TASOR: variants seen among roughly 807,000 people sequenced by gnomAD.
The protein encoded by TASOR is transcription activation suppressor.
TASOR carries 53 observed loss-of-function variants against 178.6 expected under a neutral mutation model. The ratio of observed to expected loss-of-function variants is 0.30; its 90% confidence interval spans 0.24 to 0.37. The LOEUF (loss-of-function observed/expected upper bound fraction) is 0.37. TASOR is among the 10% of genes least tolerant of loss of function. The pLI, the probability that TASOR is intolerant of heterozygous loss-of-function variation, is 1.00. For missense variants in TASOR, 1,815 were observed against 1,971.4 expected, an observed-to-expected ratio of 0.92 and a Z score of 1.50; for synonymous variants, 713 against 696.2, an observed-to-expected ratio of 1.02 and a Z score of -0.38.
At chr3:56,657,873 T>C (rs760675205) in intron 11 of TASOR, among the ~76,000 whole-genome samples, 5 of 152,206 alleles carry the variant, frequency 3.3e-5, no homozygotes, top group Non-Finnish European at 5.9e-5. Flanking sequence ...TTCCCTTTTA[T>C]AAGCAAATAG....
chr3:56,653,248 G>C (rs1578245629), intron 11 of TASOR, among the ~76,000 whole-genome samples: 1 of 96,568 alleles, frequency 1.0e-5, no homozygotes, highest in East Asian at 3.7e-4. Flanking sequence ...GGGCAACAGA[G>C]TGAGACTCCA....
chr3:56,649,088 T>C (rs937618692), intron 11 of TASOR, 31 bp from the exon 12 acceptor site: 1 of 1,517,242 alleles, frequency 6.6e-7, no homozygotes, highest in Non-Finnish European at 9.0e-7. Context: ...AGAAGTTGTA[T>C]CTGCTTTATT....
chr3:56,649,455 G>A (rs545409883), intron 11 of TASOR, among the ~76,000 whole-genome samples: 128 of 152,302 alleles, frequency 8.4e-4, no homozygotes, highest in East Asian at 7.7e-4. Flanking sequence ...ACACTGCGTT[G>A]CAAGAGTTCA....
chr3:56,656,352 T>C (rs543831024), intron 11 of TASOR, among the ~76,000 whole-genome samples: 5 of 152,056 alleles, frequency 3.3e-5, no homozygotes, highest in South Asian at 2.1e-4. Context: ...CTTTGGGAGG[T>C]TGAGGCAGGC....
chr3:56,633,220 T>C lies in TASOR; in HGVS notation c.3571A>G (p.Thr1191Ala), dbSNP rs2076952208. The stretch of plus-strand genomic sequence containing the variant: ...ATGTTTACATCACTGGGGGATTTTG[T>C]TGTTTCTTCTACTGGTTCCCGGGCC... ...DMAREPVEET[T>A]KSPSDVNISA... Residue 1191 changes from threonine (T) to alanine (A), a missense_variant, in exon 18 of 24, where the codon ACA becomes GCA. Transcript: ENST00000683822. The C allele has an allele frequency of 1.9e-6, 3 of 1,614,208 alleles. No individual in the cohort carries two copies. Among genetic ancestry groups the C allele is most frequent in the Non-Finnish European group, 2.5e-6 (3 of 1,180,028 alleles).
rs535333638 is a variant in TASOR, at chr3:56,643,218, G to A, written c.2216-1466C>T. Among the ~76,000 whole-genome samples, 8 of 148,046 alleles carry A rather than the reference G, an allele frequency of 5.4e-5. No homozygotes were observed. In the South Asian group the frequency reaches 8.6e-4, roughly 16 times the overall value. Reference sequence around the variant, plus strand: ...GCAGAGGTTGCAATGAGCCGAGATCGGGTCACTGCACTCCAGCCTGGAAGA... The same window carrying A: ...GCAGAGGTTGCAATGAGCCGAGATCAGGTCACTGCACTCCAGCCTGGAAGA... On this transcript the variant is annotated intron_variant, in intron 14 of 23. Coordinates refer to ENST00000683822, the MANE Select transcript of TASOR (RefSeq NM_001365635.2).
At chr3:56,661,189 T>A (rs947144423) in intron 9 of TASOR, among the ~76,000 whole-genome samples, 172 bp from the exon 10 acceptor site, 1 of 152,246 alleles carries the variant, frequency 6.6e-6, no homozygotes, top group South Asian at 2.1e-4. Context: ...CTCTGTCACC[T>A]AGGCTAGAGT....
At chr3:56,631,972 A>T in intron 18 of TASOR, among the ~76,000 whole-genome samples, 1 of 152,310 alleles carries the variant, frequency 6.6e-6, no homozygotes, top group Non-Finnish European at 1.5e-5. Context: ...ATCTTTCATG[A>T]CTGAGGAGTC....
At chr3:56,626,360 G>C (rs1464250441) in intron 21 of TASOR, among the ~76,000 whole-genome samples, 1 of 152,150 alleles carries the variant, frequency 6.6e-6, no homozygotes, top group East Asian at 1.9e-4. Context: ...ATTAATCCTT[G>C]TCCAAATATA....
At chr3:56,648,731 A>C (rs2107583183) in intron 13 of TASOR, 91 bp downstream of exon 13, 1 of 866,166 alleles carries the variant, frequency 1.2e-6, no homozygotes, top group East Asian at 2.6e-5. Context: ...ATGAGGTAAG[A>C]AAGACAAAAT....
intron 20 of TASOR, 123 bp downstream of exon 20, chr3:56,627,459 A>G: frequency 9.2e-7 from 1 of 1,092,148 alleles, no homozygotes. Flanking sequence ...ATTTGAGGTA[A>G]TAAAAGCTCA....
chr3:56,630,776 C>T (rs555119389), intron 18 of TASOR, among the ~76,000 whole-genome samples: 4 of 152,150 alleles, frequency 2.6e-5, no homozygotes, highest in Admixed American at 2.0e-4. Context: ...CCCCAGAAGG[C>T]GGAGGTTGCA....
At chr3:56,641,832 T>C in intron 14 of TASOR, 80 bp from the exon 15 acceptor site, 1 of 1,405,592 alleles carries the variant, frequency 7.1e-7, no homozygotes, top group African/African-American at 1.4e-5. Flanking sequence ...ACCTAAAAAA[T>C]TATCATAAAG....
chr3:56,628,426 G>A lies in TASOR; in HGVS notation c.3870+66C>T, dbSNP rs1312071990. On this transcript the variant is annotated intron_variant, in intron 19 of 23. Coordinates refer to ENST00000683822, the MANE Select transcript of TASOR (RefSeq NM_001365635.2). ...TTATTTTAAAAACACTAGTCTGGCAGACAGTAAGATTTTAAAATAAGGGAG... is the reference window on the plus strand; with the variant it reads ...TTATTTTAAAAACACTAGTCTGGCAAACAGTAAGATTTTAAAATAAGGGAG... 4.3e-6 allele frequency: 6 copies of A among 1,385,114 alleles called. No individual in the cohort carries two copies. In the East Asian group the frequency reaches 7.0e-5, roughly 16 times the overall value. 85.8% of individuals were successfully genotyped at this position (1,385,114 alleles called of 1,614,324 possible).
chr3:56,670,329 A>G (rs1188698505), intron 3 of TASOR, among the ~76,000 whole-genome samples, 184 bp from the exon 4 acceptor site: 2 of 152,086 alleles, frequency 1.3e-5, no homozygotes, highest in Admixed American at 1.3e-4. Flanking sequence ...ACACTTCTCA[A>G]AGTAACCATA....
At chr3:56,650,600 T>C (rs2077331386) in intron 11 of TASOR, among the ~76,000 whole-genome samples, 1 of 152,214 alleles carries the variant, frequency 6.6e-6, no homozygotes, top group South Asian at 2.1e-4. Flanking sequence ...TTATCAGGTC[T>C]TTCTTTTATA....
At chr3:56,650,772 G>A (rs548921390) in intron 11 of TASOR, among the ~76,000 whole-genome samples, 305 of 152,290 alleles carry the variant, frequency 2.0e-3, no homozygotes, top group Non-Finnish European at 2.8e-3. Context: ...GGCCCTGCAA[G>A]ATATTTAACT....
chr3:56,683,031 A>G lies in TASOR; in HGVS notation c.-25T>C, dbSNP rs1447147376. The G allele has an allele frequency of 1.3e-6, 2 of 1,504,940 alleles. No homozygotes were observed. The highest frequency in any genetic ancestry group is 2.8e-5 in the African/African-American group (2 of 71,456). 93.2% of individuals were successfully genotyped at this position (1,504,940 alleles called of 1,614,324 possible). ...TCGCGCCGGCCTAAGGAGCTCTGGG[A>G]AGCTTCTGCCCACAAGGTCGACGGG... On this transcript the variant is annotated 5_prime_UTR_variant, in exon 1 of 24. Transcript: ENST00000683822.
intron 1 of TASOR, among the ~76,000 whole-genome samples, chr3:56,674,596 T>C (rs180837174): frequency 6.6e-6 from 1 of 152,226 alleles, no homozygotes; most frequent in East Asian, 1.9e-4. Flanking sequence ...TATGACAACT[T>C]AGTAAAATGA....
Sources: gnomAD v4.1 joint callset for allele counts (sites outside exome capture counted in the v4.1 genomes callset) on GRCh38, gnomAD v4.1.1 for gene constraint, MANE v1.5 for transcripts, NCBI Gene and HGNC (gene_info 2026-07-23, HGNC 2026-07-21) for gene names.